Variants in SLC24A2 observed in about 807,000 individuals in gnomAD.
SLC24A2 encodes the protein sodium/potassium/calcium exchanger 2.
A neutral mutation model predicts 62.0 loss-of-function variants in SLC24A2; 36 were observed. That is an observed-to-expected ratio of 0.58 (90% CI 0.44 to 0.77). The LOEUF is 0.77. SLC24A2 is among the 30% of genes least tolerant of loss of function. The pLI, the probability that SLC24A2 is intolerant of heterozygous loss-of-function variation, is 0.00. For missense variants in SLC24A2, 846 were observed against 817.9 expected, an observed-to-expected ratio of 1.03 and a Z score of -0.42; for synonymous variants, 358 against 294.0, an observed-to-expected ratio of 1.22 and a Z score of -2.23.
the SLC24A2 span, among the ~76,000 whole-genome samples, chr9:20,026,420 T>A: frequency 6.6e-6 from 1 of 152,238 alleles, no homozygotes; most frequent in African/African-American, 2.4e-5. Context: ...GGAGCTATTA[T>A]TAGCTATTAT....
the SLC24A2 span, among the ~76,000 whole-genome samples, chr9:20,300,602 T>G: frequency 2.0e-5 from 3 of 152,334 alleles, no homozygotes; most frequent in South Asian, 6.2e-4. Flanking sequence ...CCCATAGATT[T>G]GACAGCCTGG....
At chr9:19,720,691 C>T (rs1199325894) in intron 2 of SLC24A2, among the ~76,000 whole-genome samples, 1 of 40,980 alleles carries the variant, frequency 2.4e-5, no homozygotes, top group African/African-American at 1.6e-4. Flanking sequence ...CAATGACAAC[C>T]CCCCCCCCCA....
the SLC24A2 span, among the ~76,000 whole-genome samples, chr9:19,856,386 C>G: frequency 2.0e-5 from 3 of 152,126 alleles, no homozygotes; most frequent in South Asian, 6.2e-4. Context: ...GAGTTTTTAG[C>G]AATTTTGTGT....
the SLC24A2 span, among the ~76,000 whole-genome samples, chr9:19,839,293 T>G: frequency 4.6e-5 from 7 of 152,058 alleles, no homozygotes; most frequent in Non-Finnish European, 1.0e-4. Flanking sequence ...ACTGTTGGTG[T>G]GACTGTAAAC....
chr9:20,055,926 A>AC, the SLC24A2 span, among the ~76,000 whole-genome samples: 2 of 151,980 alleles, frequency 1.3e-5, no homozygotes, highest in Non-Finnish European at 2.9e-5. Flanking sequence ...AAATAGACAT[A>AC]CCAGCTCCAA....
chr9:20,065,137 C>T, the SLC24A2 span, among the ~76,000 whole-genome samples: 61 of 152,198 alleles, frequency 4.0e-4, no homozygotes, highest in Non-Finnish European at 8.2e-4. Context: ...CTCACTATCA[C>T]ATTTCATAGC....
chr9:19,548,008 T>C (rs1249745205), intron 8 of SLC24A2, among the ~76,000 whole-genome samples: 1 of 151,590 alleles, frequency 6.6e-6, no homozygotes, highest in Admixed American at 6.5e-5. Context: ...AACTTAAATA[T>C]TGCTTTAAGT....
At chr9:19,961,110 A>C in the SLC24A2 span, among the ~76,000 whole-genome samples, 1 of 143,348 alleles carries the variant, frequency 7.0e-6, no homozygotes, top group East Asian at 2.0e-4. Flanking sequence ...AGAGAGAGAC[A>C]GAAGAAAGGA....
At chr9:19,704,798 CTTT>C (rs35780199) in intron 2 of SLC24A2, among the ~76,000 whole-genome samples, 135 of 135,696 alleles carry the variant, frequency 9.9e-4, no homozygotes, top group African/African-American at 3.3e-3. Context: ...AAAAACCAAA[CTTT>C]TTTTTTTTTT....
upstream of SLC24A2, among the ~76,000 whole-genome samples, chr9:19,790,775 C>T (rs1218228521): frequency 6.6e-6 from 1 of 152,180 alleles, no homozygotes; most frequent in Non-Finnish European, 1.5e-5. Context: ...CTGCCTTTGT[C>T]TACTTTCCTA....
chr9:19,691,730 C>G (rs1348813783), intron 2 of SLC24A2, among the ~76,000 whole-genome samples: 1 of 152,016 alleles, frequency 6.6e-6, no homozygotes, highest in African/African-American at 2.4e-5. Flanking sequence ...GTGGTACCAC[C>G]TAAAATCTTT....
intron 7 of SLC24A2, among the ~76,000 whole-genome samples, chr9:19,555,610 C>T (rs1162450087): frequency 6.6e-6 from 1 of 152,148 alleles, no homozygotes; most frequent in Non-Finnish European, 1.5e-5. Context: ...TAACATTCTT[C>T]AGTGGTGTAA....
the SLC24A2 span, among the ~76,000 whole-genome samples, chr9:20,293,310 G>GTA: frequency 6.6e-6 from 1 of 152,166 alleles, no homozygotes; most frequent in African/African-American, 2.4e-5. Context: ...TCCCAGAAAG[G>GTA]TAGGGTTGGC....
the SLC24A2 span, among the ~76,000 whole-genome samples, chr9:19,942,453 C>T: frequency 6.6e-6 from 1 of 152,142 alleles, no homozygotes; most frequent in African/African-American, 2.4e-5. Context: ...ATCGAGGTCA[C>T]ATTTCCTCTA....
At chr9:19,612,622 A>T (rs1249332131) in intron 4 of SLC24A2, among the ~76,000 whole-genome samples, 3 of 152,216 alleles carry the variant, frequency 2.0e-5, no homozygotes, top group African/African-American at 7.2e-5. Flanking sequence ...CTGGGACTAG[A>T]ACCCATGGGG....
At chr9:19,824,631 A>G in the SLC24A2 span, among the ~76,000 whole-genome samples, 1 of 152,170 alleles carries the variant, frequency 6.6e-6, no homozygotes, top group Non-Finnish European at 1.5e-5. Context: ...AAGGATCTGG[A>G]ACTAGAAATA....
At chr9:20,217,962 G>C in the SLC24A2 span, among the ~76,000 whole-genome samples, 2 of 152,180 alleles carry the variant, frequency 1.3e-5, no homozygotes, top group Non-Finnish European at 2.9e-5. Context: ...AAAGAAAACA[G>C]TCAACTAGTC....
the SLC24A2 span, among the ~76,000 whole-genome samples, chr9:20,291,868 C>G: frequency 6.6e-6 from 1 of 152,024 alleles, no homozygotes; most frequent in East Asian, 1.9e-4. Flanking sequence ...GAAAATCACC[C>G]TGTGGTGGAA....
intron 4 of SLC24A2, among the ~76,000 whole-genome samples, chr9:19,613,551 C>G (rs1427931167): frequency 6.6e-6 from 1 of 152,118 alleles, no homozygotes. Flanking sequence ...ATTTTCTTCT[C>G]CTTGTCCCAA....
Sources: gnomAD v4.1 joint callset for allele counts (sites outside exome capture counted in the v4.1 genomes callset) on GRCh38, gnomAD v4.1.1 for gene constraint, MANE v1.5 for transcripts, NCBI Gene and HGNC (gene_info 2026-07-23, HGNC 2026-07-21) for gene names.